The following HACL1 variants were observed in gnomAD, a reference collection of about 807,000 sequenced individuals.
HACL1 encodes 2-hydroxyacyl-CoA lyase 1.
In HACL1, 64 loss-of-function variants were observed where a neutral mutation model predicts 74.2. That is an observed-to-expected ratio of 0.86 (90% CI 0.70 to 1.06). HACL1 has a LOEUF of 1.06. Ranked by LOEUF, HACL1 falls within the 50% of genes least tolerant of loss-of-function variation. HACL1 has a pLI of 0.00. For synonymous variants in HACL1, 230 were observed against 238.8 expected (o/e 0.96, Z 0.34); for missense variants, 728 against 719.7 (o/e 1.01, Z -0.13).
chr3:15,580,555 T>C (rs1407750467), intron 8 of HACL1, among the ~76,000 whole-genome samples: 1 of 152,256 alleles, frequency 6.6e-6, no homozygotes, highest in Non-Finnish European at 1.5e-5. Flanking sequence ...TCAATTATCC[T>C]GAAGGATGTC....
intron 16 of HACL1, among the ~76,000 whole-genome samples, chr3:15,562,012 T>G (rs963592110): frequency 2.0e-5 from 3 of 152,206 alleles, no homozygotes; most frequent in African/African-American, 7.2e-5. Context: ...TGGCTTTAGT[T>G]TCCCCAGGGC....
chr3:15,598,877 C>T (rs1447065227), intron 2 of HACL1, among the ~76,000 whole-genome samples: 1 of 152,218 alleles, frequency 6.6e-6, no homozygotes, highest in East Asian at 1.9e-4. Context: ...ACCAACATCT[C>T]AAATGCATGT....
chr3:15,590,962 T>C (rs2063881667), intron 4 of HACL1, among the ~76,000 whole-genome samples: 1 of 152,126 alleles, frequency 6.6e-6, no homozygotes, highest in Non-Finnish European at 1.5e-5. Context: ...GGGCCTGTAA[T>C]CCCAGCTACT....
intron 3 of HACL1, among the ~76,000 whole-genome samples, chr3:15,593,222 CT>C (rs35921406): frequency 6.2e-5 from 9 of 145,348 alleles, no homozygotes; most frequent in Non-Finnish European, 7.5e-5. Flanking sequence ...TATATACACA[CT>C]TTTTTTTTGA....
chr3:15,598,631 A>T (rs904052272), intron 2 of HACL1, among the ~76,000 whole-genome samples: 1 of 152,240 alleles, frequency 6.6e-6, no homozygotes, highest in African/African-American at 2.4e-5. Context: ...CAATCTGCCT[A>T]CTTGCTGGCC....
chr3:15,568,542 T>C lies in HACL1; in HGVS notation c.1140A>G (p.Val380=), dbSNP rs769678407. Residue 380 remains valine (V), a synonymous_variant, in exon 13 of 17, where the codon GTA becomes GTG. Coordinates refer to ENST00000321169, the MANE Select transcript of HACL1 (RefSeq NM_012260.4). ...GTAGTTGTTCTTGAACATGGTAGAA[T>C]ACTGTGTAATAATTCATAGGCAGGG... The part of the protein sequence containing the change: ...KKSLPMNYYT[V]FYHVQEQLPR... The C allele has an allele frequency of 1.8e-5, 29 of 1,583,594 alleles. No homozygotes were observed. The highest frequency in any genetic ancestry group is 1.7e-4 in the Middle Eastern group (1 of 6,020).
chr3:15,584,555 T>G (rs568158083), intron 7 of HACL1, among the ~76,000 whole-genome samples: 82 of 152,018 alleles, frequency 5.4e-4, no homozygotes, highest in African/African-American at 1.7e-3. Flanking sequence ...GCCACTGCAC[T>G]CCAGCCCGGG....
intron 9 of HACL1, among the ~76,000 whole-genome samples, chr3:15,575,951 A>G (rs574322708): frequency 3.3e-5 from 5 of 151,638 alleles, no homozygotes; most frequent in African/African-American, 1.2e-4. Context: ...AGGTCAACAG[A>G]TGGAGACCAC....
chr3:15,588,448 C>T (rs1026322594), intron 5 of HACL1, among the ~76,000 whole-genome samples: 2 of 152,038 alleles, frequency 1.3e-5, no homozygotes, highest in Non-Finnish European at 2.9e-5. Context: ...CAAAAATTAT[C>T]TGGGCATGGT....
chr3:15,598,328 G>C (rs549370294), intron 2 of HACL1, among the ~76,000 whole-genome samples: 2 of 152,224 alleles, frequency 1.3e-5, no homozygotes, highest in South Asian at 4.1e-4. Flanking sequence ...GCCATAACTG[G>C]TTTTATGACC....
At chr3:15,597,619 C>T (rs1308091876) in intron 2 of HACL1, among the ~76,000 whole-genome samples, 5 of 149,666 alleles carry the variant, frequency 3.3e-5, no homozygotes, top group African/African-American at 7.4e-5. Flanking sequence ...TCCACATTAA[C>T]GACATAAATG....
rs1318258577 is a variant in HACL1, at chr3:15,571,667, C to A, written c.1095+1G>T. ...TTGAGCGTCAGTAGGTCCGATTTTA[C>A]CTTGGATGCAGCTTCATTGCTCTTC... On this transcript the variant is annotated splice_donor_variant, in intron 12 of 16. Transcript: ENST00000321169. LOFTEE classifies it high-confidence loss of function. The A allele has an allele frequency of 7.6e-7, 1 of 1,320,742 alleles. No individual in the cohort carries two copies. Among genetic ancestry groups the A allele is most frequent in the African/African-American group, 1.4e-5 (1 of 69,322 alleles). 81.8% of individuals were successfully genotyped at this position (1,320,742 alleles called of 1,614,324 possible).
intron 11 of HACL1, 49 bp from the exon 12 acceptor site, chr3:15,571,818 GC>G: frequency 9.8e-5 from 41 of 419,256 alleles, no homozygotes; most frequent in South Asian, 5.0e-4. Flanking sequence ...CTTTTTCTTT[GC>G]CTTTTTTTTC....
Position 15,564,644 on chromosome 3 carries a change from AT to A in HACL1, c.1423del (p.Ile475SerfsTer5). 6.8e-7 allele frequency: 1 copy of A among 1,476,464 alleles called. No individual in the cohort carries two copies. The highest frequency in any genetic ancestry group is 9.4e-7 in the Non-Finnish European group (1 of 1,062,322). 91.5% of individuals were successfully genotyped at this position (1,476,464 alleles called of 1,614,324 possible). A position where few individuals can be genotyped will look rare whatever the true frequency, so the allele number is the denominator to read the frequency against. Reference protein sequence around the residue: ...VETICRYNLPIILLVVNNNGI... With the variant: ...VETICRYNLPXILLVVNNNGI... ...ATTGTTATTCACTACCAACAGTATG[AT>A]TGGCAAGTTGTACCTAAAGTGAGAG... is the stretch of plus-strand genomic sequence containing the variant. On this transcript the variant is annotated frameshift_variant, in exon 15 of 17. Coordinates refer to ENST00000321169, the MANE Select transcript of HACL1 (RefSeq NM_012260.4). LOFTEE classifies it high-confidence loss of function.
At position 15,564,604 on chromosome 3, in the gene HACL1, A is replaced by T. The variant is rs1482261666; in HGVS notation, c.1464T>A (p.Gly488=). Residue 488 remains glycine (G), a synonymous_variant, in exon 15 of 17, where the codon GGT becomes GGA. Coordinates refer to ENST00000321169, the MANE Select transcript of HACL1 (RefSeq NM_012260.4). ...TTTCTTTCCAAGTATCTGTATCAAA[A>T]CCTTGGTAAATTCCATTGTTATTCA... ...LVVNNNGIYQ[G]FDTDTWKEML... 1 of 1,582,586 alleles carries T rather than the reference A, an allele frequency of 6.3e-7. No homozygotes were observed. The highest frequency in any genetic ancestry group is 2.2e-5 in the East Asian group (1 of 44,602).
At chr3:15,596,519 T>C (rs2064068795) in intron 2 of HACL1, 95 bp from the exon 3 acceptor site, 2 of 718,988 alleles carry the variant, frequency 2.8e-6, no homozygotes, top group Non-Finnish European at 5.0e-6. Context: ...AAGAACATAG[T>C]GGTAAAGGCA....
intron 4 of HACL1, 149 bp downstream of exon 4, chr3:15,591,451 C>A: frequency 1.9e-6 from 1 of 513,086 alleles, no homozygotes; most frequent in East Asian, 3.4e-5. Flanking sequence ...CATTCCCTCC[C>A]CGGTAACTAA....
rs200924343 is a variant in HACL1 at position 15,571,772 on chromosome 3, T to TAA, written c.994-5_994-4dup. ...GTTTTATCAAGTTCCTCTAAAAGCT[T>TAA]AAAAAAAAAAAAACACACACACACA... On this transcript the variant is annotated splice_region_variant and splice_polypyrimidine_tract_variant and intron_variant, in intron 11 of 16. Transcript: ENST00000321169. 5.5e-3 allele frequency: 4,581 copies of TAA among 826,532 alleles called. No individual in the cohort carries two copies. Among genetic ancestry groups the TAA allele is most frequent in the East Asian group, 6.3e-3 (217 of 34,686 alleles). The allele number at this position is 826,532 out of a possible 1,614,324, so 51.2% of individuals were successfully genotyped here. A position where few individuals can be genotyped will look rare whatever the true frequency, so the allele number is the denominator to read the frequency against.
At chr3:15,592,505 T>TATAC (rs1491498032) in intron 3 of HACL1, among the ~76,000 whole-genome samples, 179 of 143,940 alleles carry the variant, frequency 1.2e-3, no homozygotes, top group African/African-American at 4.6e-3. Context: ...TATACACTTG[T>TATAC]ATATACACTT....
Sources: allele counts gnomAD v4.1 joint callset (sites outside exome capture counted in the v4.1 genomes callset), GRCh38; gene constraint gnomAD v4.1.1; transcripts MANE v1.5; gene names NCBI Gene and HGNC (gene_info 2026-07-23, HGNC 2026-07-21).